The following ROBO1 variants were observed in gnomAD, a reference collection of about 807,000 sequenced individuals.
The protein encoded by ROBO1 is roundabout guidance receptor 1, also known as roundabout homolog 1.
Under a neutral mutation model 195.9 loss-of-function variants are expected in ROBO1, and 149 were observed. The observed-to-expected ratio is 0.76, with a 90% CI of 0.67 to 0.87. ROBO1 has a LOEUF of 0.87. Ranked by LOEUF, ROBO1 falls within the 40% of genes least tolerant of loss-of-function variation. The probability of loss-of-function intolerance (pLI) is 0.00; values close to 1 mark genes in which losing one functional copy is unlikely to be tolerated. For synonymous variants in ROBO1, 816 were observed against 733.2 expected, an observed-to-expected ratio of 1.11 and a Z score of -1.82; for missense variants, 1,933 against 2,068.3, an observed-to-expected ratio of 0.93 and a Z score of 1.27.
chr3:79,745,961 A>G (rs1703858263), intron 1 of ROBO1, among the ~76,000 whole-genome samples: 1 of 152,070 alleles, frequency 6.6e-6, no homozygotes, highest in Admixed American at 6.6e-5. Flanking sequence ...AAATTGCTTT[A>G]TGTTTGCTTT....
chr3:78,736,278 A>G (rs779944511), intron 5 of ROBO1, among the ~76,000 whole-genome samples: 1 of 152,184 alleles, frequency 6.6e-6, no homozygotes, highest in Non-Finnish European at 1.5e-5. Context: ...ACTTTTTCGA[A>G]CACATGAGCT....
In ROBO1 at chr3:79,220,794, A is replaced by C. The variant is rs76949297; in HGVS notation, c.89-95255T>G. Among the ~76,000 whole-genome samples the C allele has an allele frequency of 2.4e-3, 363 of 152,162 alleles. 4 individuals are homozygous for C. Among genetic ancestry groups the C allele is most frequent in the African/African-American group, 8.5e-3 (353 of 41,542 alleles). ...TCTAGGTAAAACTAGGTAATTGACA[A>C]ATTTTCAAATGATCTCCTCAGGTTT... On this transcript the variant is annotated intron_variant, in intron 2 of 30. Transcript: ENST00000464233.
intron 5 of ROBO1, among the ~76,000 whole-genome samples, chr3:78,741,907 G>T (rs535202031): frequency 1.3e-5 from 2 of 152,114 alleles, no homozygotes; most frequent in Admixed American, 1.3e-4. Context: ...TGCCAAAAAA[G>T]TTCTAAAAGA....
At chr3:79,054,390 G>A in intron 3 of ROBO1, among the ~76,000 whole-genome samples, 1 of 152,078 alleles carries the variant, frequency 6.6e-6, no homozygotes, top group Non-Finnish European at 1.5e-5. Flanking sequence ...GAGTGCTCAA[G>A]GTATTCTCCT....
intron 1 of ROBO1, among the ~76,000 whole-genome samples, chr3:79,747,720 A>G (rs529361760): frequency 7.2e-5 from 11 of 152,158 alleles, no homozygotes; most frequent in Admixed American, 2.6e-4. Context: ...AAATGACTAA[A>G]TGTTAGATGT....
At position 78,600,921 on chromosome 3, in the gene ROBO1, T is replaced by C. The variant is rs7619143; in HGVS notation, c.4745-612A>G. On this transcript the variant is annotated intron_variant, in intron 29 of 30. Transcript: ENST00000464233. ...ACCAAAATATCAACCTCCACGTCAA[T>C]GTCCTATTTACATTGTGGAACTCTG... is the stretch of plus-strand genomic sequence containing the variant. Among the ~76,000 whole-genome samples, 865 of 152,278 alleles carry C rather than the reference T, an allele frequency of 5.7e-3. 6 individuals carry two copies. Among genetic ancestry groups the C allele is most frequent in the African/African-American group, 0.019 (790 of 41,564 alleles).
chr3:78,786,142 C>T (rs892855280), intron 4 of ROBO1, among the ~76,000 whole-genome samples: 7 of 152,116 alleles, frequency 4.6e-5, no homozygotes, highest in Non-Finnish European at 1.0e-4. Context: ...GATTCCATGA[C>T]TTCCACCTAC....
chr3:78,710,951 T>C (rs1401293150), intron 8 of ROBO1, among the ~76,000 whole-genome samples: 2 of 152,240 alleles, frequency 1.3e-5, no homozygotes, highest in African/African-American at 4.8e-5. Flanking sequence ...TGATAATCTG[T>C]ATACTTAACA....
At chr3:79,498,117 T>G (rs1194834481) in intron 2 of ROBO1, among the ~76,000 whole-genome samples, 1 of 152,220 alleles carries the variant, frequency 6.6e-6, no homozygotes, top group Admixed American at 6.5e-5. Context: ...AAGCTTTTAC[T>G]ATCAACAAAT....
chr3:79,280,111 G>C (rs1427736844), intron 2 of ROBO1, among the ~76,000 whole-genome samples: 3 of 152,106 alleles, frequency 2.0e-5, no homozygotes, highest in African/African-American at 7.2e-5. Context: ...GCAGAAGATA[G>C]GGATAGGTAG....
At chr3:78,715,791 C>T (rs1486743049) in intron 7 of ROBO1, among the ~76,000 whole-genome samples, 1 of 152,196 alleles carries the variant, frequency 6.6e-6, no homozygotes, top group Non-Finnish European at 1.5e-5. Context: ...CCTCCTCGGC[C>T]TCCCAAAGTG....
intron 4 of ROBO1, among the ~76,000 whole-genome samples, chr3:78,867,598 C>T (rs1228980220): frequency 6.6e-6 from 1 of 152,130 alleles, no homozygotes; most frequent in African/African-American, 2.4e-5. Flanking sequence ...TTCTTTTACT[C>T]AGCTATTTGC....
At chr3:79,734,784 C>A (rs1703308733) in intron 1 of ROBO1, among the ~76,000 whole-genome samples, 1 of 150,798 alleles carries the variant, frequency 6.6e-6, no homozygotes, top group South Asian at 2.1e-4. Flanking sequence ...CTCTCATGGG[C>A]ACCAATGCTG....
intron 2 of ROBO1, among the ~76,000 whole-genome samples, chr3:79,406,165 G>A (rs755867548): frequency 6.6e-6 from 1 of 151,410 alleles, no homozygotes; most frequent in Non-Finnish European, 1.5e-5. Flanking sequence ...GGAGATAACC[G>A]TAGAGGGTTC....
intron 3 of ROBO1, among the ~76,000 whole-genome samples, chr3:79,071,740 G>GCGCACA (rs5850411): frequency 1.5e-4 from 22 of 144,386 alleles, no homozygotes; most frequent in African/African-American, 5.9e-4. Context: ...ACACACACAC[G>GCGCACA]CACACACACA....
At chr3:78,836,499 G>A (rs1576261375) in intron 4 of ROBO1, among the ~76,000 whole-genome samples, 1 of 95,436 alleles carries the variant, frequency 1.0e-5, no homozygotes, top group Middle Eastern at 7.8e-3. Context: ...GACACAGAGC[G>A]AGACTCTGTC....
rs1289023873 is a variant in ROBO1, at chr3:78,711,436, TTTCTTTCCTTCCTTCCTTCCTTCC to T, written c.1045+2937_1045+2960del. Among the ~76,000 whole-genome samples, 95 of 77,272 alleles carry T rather than the reference TTTCTTTCCTTCCTTCCTTCCTTCC, an allele frequency of 1.2e-3. 1 individual carries two copies. The highest frequency in any genetic ancestry group is 4.0e-3 in the African/African-American group (88 of 21,986). The allele number at this position is 77,272 out of a possible 152,430, so 50.7% of individuals were successfully genotyped here. On this transcript the variant is annotated intron_variant, in intron 8 of 30. Transcript: ENST00000464233. ...CTTTCTTTCTTTCTTTCTTTCTTTC[TTTCTTTCCTTCCTTCCTTCCTTCC>T]TTCCTTTTCTCTCTTTCTCTCTCTC...
chr3:79,075,157 T>G (rs2079151600), intron 3 of ROBO1, among the ~76,000 whole-genome samples: 1 of 151,874 alleles, frequency 6.6e-6, no homozygotes, highest in South Asian at 2.1e-4. Context: ...ACTTTACATT[T>G]GGTAACATCA....
chr3:78,916,557 GAAA>G (rs969858186), intron 4 of ROBO1, among the ~76,000 whole-genome samples: 1 of 74,156 alleles, frequency 1.3e-5, no homozygotes, highest in Non-Finnish European at 3.1e-5. Flanking sequence ...GTCTCAAAAA[GAAA>G]AAAAAAAAAA....
Sources: allele counts gnomAD v4.1 joint callset (sites outside exome capture counted in the v4.1 genomes callset), GRCh38; gene constraint gnomAD v4.1.1; transcripts MANE v1.5; gene names NCBI Gene and HGNC (gene_info 2026-07-23, HGNC 2026-07-21).